Variants in CEP192 observed in about 807,000 individuals in gnomAD.
CEP192 encodes the protein centrosomal protein 192, also known as centrosomal protein of 192 kDa.
CEP192 carries 151 observed loss-of-function variants against 271.8 expected under a neutral mutation model. The ratio of observed to expected loss-of-function variants is 0.56; its 90% confidence interval spans 0.49 to 0.64. The LOEUF is 0.64. CEP192 is among the 30% of genes least tolerant of loss of function. CEP192 has a pLI of 0.00. For synonymous variants in CEP192, 995 were observed against 1,076.5 expected (o/e 0.92, Z 1.48); for missense variants, 2,910 against 3,020.5 (o/e 0.96, Z 0.86).
At chr18:13,003,834 G>A (rs1200649975) in intron 3 of CEP192, among the ~76,000 whole-genome samples, 8 of 152,316 alleles carry the variant, frequency 5.3e-5, no homozygotes, top group Middle Eastern at 3.4e-3. Context: ...ATGTGGAAAA[G>A]AGACTGTAGG....
intron 40 of CEP192, among the ~76,000 whole-genome samples, chr18:13,109,483 T>G (rs999554106): frequency 1.3e-5 from 2 of 152,134 alleles, no homozygotes; most frequent in African/African-American, 4.8e-5. Flanking sequence ...CTGAGCATCG[T>G]GCAGTATACC....
chr18:13,096,803 T>C lies in CEP192; in HGVS notation c.6557+496T>C, dbSNP rs568608025. Among the ~76,000 whole-genome samples, 26 of 152,282 alleles carry C rather than the reference T, an allele frequency of 1.7e-4. No individual in the cohort carries two copies. In the East Asian group the frequency reaches 2.5e-3, roughly 15 times the overall value. ...TGAGCCATAACCTTGCTTACTGTTT[T>C]CTATGTAGAATATTCTAGGACAGAA... On this transcript the variant is annotated intron_variant, in intron 36 of 44. Coordinates refer to ENST00000506447, the MANE Select transcript of CEP192 (RefSeq NM_032142.4).
At chr18:13,001,603 G>C (rs1032424546) in intron 3 of CEP192, 21 bp downstream of exon 3, 1 of 1,536,006 alleles carries the variant, frequency 6.5e-7, no homozygotes, top group Non-Finnish European at 8.8e-7. Context: ...ACCTTCATTT[G>C]CTTGTACTGT....
chr18:12,991,670 C>A (rs112425525), intron 1 of CEP192, among the ~76,000 whole-genome samples: 17 of 152,400 alleles, frequency 1.1e-4, no homozygotes, highest in African/African-American at 4.1e-4. Flanking sequence ...AATTGCACGC[C>A]TCTGTGTCAT....
At chr18:13,092,302 A>G (rs112784327) in intron 33 of CEP192, 75 bp from the exon 34 acceptor site, 1 of 1,041,556 alleles carries the variant, frequency 9.6e-7, no homozygotes, top group Non-Finnish European at 1.4e-6. Context: ...AGCTATAAAT[A>G]TACAAATGTA....
At chr18:13,023,476 AT>A (rs71370926) in intron 9 of CEP192, among the ~76,000 whole-genome samples, 37,635 of 138,708 alleles carry the variant, frequency 0.27, 5,583 homozygotes, top group Admixed American at 0.37. Flanking sequence ...ATTTTTGTCA[AT>A]TTTTTTTTTT....
intron 42 of CEP192, 79 bp from the exon 43 acceptor site, chr18:13,116,298 A>T: frequency 7.7e-7 from 1 of 1,304,554 alleles, no homozygotes; most frequent in Non-Finnish European, 1.1e-6. Flanking sequence ...ATGCAATACT[A>T]CATAATTTTA....
At chr18:13,012,154 G>A (rs544592685) in intron 4 of CEP192, among the ~76,000 whole-genome samples, 16 of 152,298 alleles carry the variant, frequency 1.1e-4, no homozygotes, top group African/African-American at 3.4e-4. Context: ...GGAAGGTAGC[G>A]GGAATGGGGA....
chr18:13,041,495 G>A (rs1219097897), intron 14 of CEP192, among the ~76,000 whole-genome samples: 2 of 151,860 alleles, frequency 1.3e-5, no homozygotes, highest in African/African-American at 2.4e-5. Flanking sequence ...AAGGGTCCAT[G>A]TATACAGAGT....
At chr18:13,036,882 GTCTGATGAC>G (rs997751220) in intron 11 of CEP192, among the ~76,000 whole-genome samples, 1 of 152,220 alleles carries the variant, frequency 6.6e-6, no homozygotes, top group Admixed American at 6.5e-5. Flanking sequence ...GGGCTTATCA[GTCTGATGAC>G]TCCTGATGAA....
chr18:13,060,361 T>C (rs2037343973), intron 21 of CEP192, among the ~76,000 whole-genome samples: 1 of 152,200 alleles, frequency 6.6e-6, no homozygotes, highest in Non-Finnish European at 1.5e-5. Context: ...GTACATTTTA[T>C]AGGGCACTTA....
intron 21 of CEP192, among the ~76,000 whole-genome samples, chr18:13,059,793 A>T (rs183952626): frequency 6.6e-6 from 1 of 152,278 alleles, no homozygotes; most frequent in East Asian, 1.9e-4. Flanking sequence ...TTGGAATAAC[A>T]CTGGGGGCTT....
chr18:13,028,152 ATC>A (rs989598362), intron 9 of CEP192, among the ~76,000 whole-genome samples: 2 of 151,872 alleles, frequency 1.3e-5, no homozygotes, highest in African/African-American at 2.4e-5. Context: ...CAGCACTCAC[ATC>A]TCTCTCTGTG....
chr18:13,070,948 G>A (rs777129112), intron 27 of CEP192, 91 bp from the exon 28 acceptor site: 1 of 1,024,400 alleles, frequency 9.8e-7, no homozygotes, highest in South Asian at 1.5e-5. Flanking sequence ...CCAGCACCCA[G>A]TTCAGTCTTT....
intron 21 of CEP192, among the ~76,000 whole-genome samples, chr18:13,063,702 G>T (rs1025155618): frequency 2.0e-5 from 3 of 151,986 alleles, no homozygotes. Flanking sequence ...CCTTTGCTGG[G>T]TAGAAGCTTT....
At position 13,018,527 on chromosome 18, in the gene CEP192, C is replaced by T; in HGVS notation, c.837C>T (p.Asn279=). The change falls in exon 8 of 45, where the codon AAC becomes AAT. Residue 279 remains asparagine, a synonymous_variant. Coordinates refer to ENST00000506447, the MANE Select transcript of CEP192 (RefSeq NM_032142.4). ...ACTGCAAGTTTCAATCAGAAAATAA[C>T]AGCTCTCTGATTTCCCTCGACTCAC... ...SLNCKFQSEN[N]SSLISLDSHS... 2.6e-6 allele frequency: 4 copies of T among 1,538,790 alleles called. No individual in the cohort carries two copies. Among genetic ancestry groups the T allele is most frequent in the Non-Finnish European group, 3.5e-6 (4 of 1,137,766 alleles).
At chr18:13,002,482 A>T (rs1017627759) in intron 3 of CEP192, among the ~76,000 whole-genome samples, 2 of 152,120 alleles carry the variant, frequency 1.3e-5, no homozygotes, top group African/African-American at 4.8e-5. Context: ...ATGTACATTT[A>T]TATATACATT....
At position 13,116,437 on chromosome 18, in the gene CEP192, G is replaced by A. The variant is rs530959036; in HGVS notation, c.7350G>A (p.Pro2450=). ...YAPEDVYRFR[P]TSVGESRTLK... ...CAGAGGATGTGTACAGGTTCCGGCCGACTAGTGTGGGGGAATCACGGACAC... is the reference window on the plus strand; with the variant it reads ...CAGAGGATGTGTACAGGTTCCGGCCAACTAGTGTGGGGGAATCACGGACAC... Residue 2450 remains proline (P), a synonymous_variant, in exon 43 of 45, where the codon CCG becomes CCA. Coordinates refer to ENST00000506447, the MANE Select transcript of CEP192 (RefSeq NM_032142.4). 32 of 1,612,060 alleles carry A rather than the reference G, an allele frequency of 2.0e-5. No homozygotes were observed. The highest frequency in any genetic ancestry group is 1.3e-4 in the South Asian group (12 of 90,502).
At chr18:13,017,832 T>A (rs529375418) in intron 7 of CEP192, among the ~76,000 whole-genome samples, 3 of 152,326 alleles carry the variant, frequency 2.0e-5, no homozygotes, top group African/African-American at 7.2e-5. Flanking sequence ...ATTCTTACTA[T>A]TTTTTATCTA....
Sources: gnomAD v4.1 joint callset for allele counts (sites outside exome capture counted in the v4.1 genomes callset) on GRCh38, gnomAD v4.1.1 for gene constraint, MANE v1.5 for transcripts, NCBI Gene and HGNC (gene_info 2026-07-23, HGNC 2026-07-21) for gene names.